Variants in SND1 observed in about 807,000 individuals in gnomAD.
SND1 encodes the protein staphylococcal nuclease and tudor domain containing 1.
In SND1, 38 loss-of-function variants were observed where a neutral mutation model predicts 121.7. That is an observed-to-expected ratio of 0.31 (90% CI 0.24 to 0.41). The LOEUF is 0.41. SND1 is among the 10% of genes least tolerant of loss of function. SND1 has a pLI of 1.00. For synonymous variants in SND1, 401 were observed against 447.4 expected, an observed-to-expected ratio of 0.90 and a Z score of 1.31; for missense variants, 868 against 1,184.6, an observed-to-expected ratio of 0.73 and a Z score of 3.92.
At chr7:127,667,298 AC>A (rs1264265349) in intron 1 of SND1, among the ~76,000 whole-genome samples, 1 of 152,190 alleles carries the variant, frequency 6.6e-6, no homozygotes, top group Non-Finnish European at 1.5e-5. Flanking sequence ...ACAGGAACAA[AC>A]CTGAAGAAGA....
chr7:128,032,265 C>G (rs1198072471), intron 16 of SND1, among the ~76,000 whole-genome samples: 13 of 151,156 alleles, frequency 8.6e-5, no homozygotes, highest in Non-Finnish European at 1.6e-4. Flanking sequence ...TCCGGCCGCC[C>G]GTCTTCCTCT....
intron 14 of SND1, among the ~76,000 whole-genome samples, chr7:127,922,199 T>TTTTTTTGTTTGTTTG (rs1554443300): frequency 1.1e-5 from 1 of 93,500 alleles, no homozygotes; most frequent in African/African-American, 4.3e-5. Flanking sequence ...TTTTTTTTTT[T>TTTTTTTGTTTGTTTG]TTTTGTTTTG....
At chr7:127,792,478 A>G (rs775311326) in intron 10 of SND1, among the ~76,000 whole-genome samples, 2 of 152,246 alleles carry the variant, frequency 1.3e-5, no homozygotes, top group African/African-American at 4.8e-5. Flanking sequence ...TTAAGAGATG[A>G]TTAGCTAGAT....
intron 15 of SND1, among the ~76,000 whole-genome samples, chr7:127,931,506 A>T (rs1033661257): frequency 1.3e-5 from 2 of 152,236 alleles, no homozygotes; most frequent in African/African-American, 4.8e-5. Flanking sequence ...GTGCTGATGT[A>T]GAAGCTGCAA....
chr7:128,082,148 G>A (rs1793615682), intron 18 of SND1, among the ~76,000 whole-genome samples: 1 of 152,186 alleles, frequency 6.6e-6, no homozygotes, highest in Non-Finnish European at 1.5e-5. Context: ...GCAGGAGAGA[G>A]CTCTGGCAGC....
At chr7:127,957,851 C>A (rs1801635836) in intron 15 of SND1, among the ~76,000 whole-genome samples, 2 of 152,150 alleles carry the variant, frequency 1.3e-5, no homozygotes, top group African/African-American at 2.4e-5. Context: ...CAGGCGCGAG[C>A]CACCACACCC....
chr7:127,870,363 A>G (rs1355719427), intron 12 of SND1, among the ~76,000 whole-genome samples: 2 of 152,138 alleles, frequency 1.3e-5, no homozygotes, highest in African/African-American at 4.8e-5. Flanking sequence ...ATAGGCCCCT[A>G]TACTACTTAA....
intron 10 of SND1, among the ~76,000 whole-genome samples, chr7:127,732,933 T>C (rs1444078871): frequency 6.6e-6 from 1 of 152,194 alleles, no homozygotes; most frequent in Non-Finnish European, 1.5e-5. Context: ...TGTTTGTAAA[T>C]AGTGGCGGGA....
chr7:128,030,823 T>TG lies in SND1; in HGVS notation c.1779+39769dup, dbSNP rs891286238. ...AATCCTGCCAAACTCGAGCGGCCCC[T>TG]GGTCTCCCAACCCACCCTCAAGGCA... On this transcript the variant is annotated intron_variant, in intron 16 of 23. Coordinates refer to ENST00000354725, the MANE Select transcript of SND1 (RefSeq NM_014390.4). 104 of 700,118 alleles carry TG rather than the reference T, an allele frequency of 1.5e-4. No individual in the cohort carries two copies. In the African/African-American group the frequency reaches 1.8e-3, roughly 12 times the overall value. 43.4% of individuals were successfully genotyped at this position (700,118 alleles called of 1,614,324 possible). A position where few individuals can be genotyped will look rare whatever the true frequency, so the allele number is the denominator to read the frequency against.
intron 12 of SND1, among the ~76,000 whole-genome samples, chr7:127,876,264 A>C (rs549729330): frequency 1.3e-5 from 2 of 152,136 alleles, no homozygotes; most frequent in Non-Finnish European, 1.5e-5. Context: ...TTACTTGCCA[A>C]CCTAATCCTT....
At chr7:127,879,307 T>C (rs563430704) in intron 12 of SND1, among the ~76,000 whole-genome samples, 1 of 152,258 alleles carries the variant, frequency 6.6e-6, no homozygotes, top group African/African-American at 2.4e-5. Context: ...GACATCTTAG[T>C]CTGAACTTGT....
At chr7:127,739,518 C>T (rs1332518993) in intron 10 of SND1, among the ~76,000 whole-genome samples, 1 of 152,188 alleles carries the variant, frequency 6.6e-6, no homozygotes, top group Non-Finnish European at 1.5e-5. Context: ...TCAAGGATTA[C>T]TTGGAGCTTT....
intron 15 of SND1, among the ~76,000 whole-genome samples, chr7:127,955,418 A>G (rs2116861505): frequency 6.6e-6 from 1 of 152,168 alleles, no homozygotes; most frequent in East Asian, 1.9e-4. Flanking sequence ...TGAGAGAGAG[A>G]TGAGAGCATT....
intron 13 of SND1, among the ~76,000 whole-genome samples, chr7:127,891,582 A>T (rs936493390): frequency 6.6e-6 from 1 of 152,018 alleles, no homozygotes; most frequent in Non-Finnish European, 1.5e-5. Flanking sequence ...TATGTTTTCT[A>T]GGTGAACTCT....
intron 11 of SND1, among the ~76,000 whole-genome samples, chr7:127,812,299 G>T (rs2116585596): frequency 6.6e-6 from 1 of 152,282 alleles, no homozygotes; most frequent in Middle Eastern, 3.4e-3. Context: ...ATCAGGAGGT[G>T]GTAATAGCAC....
chr7:127,721,682 T>C (rs1332736906), intron 10 of SND1, among the ~76,000 whole-genome samples: 2 of 152,112 alleles, frequency 1.3e-5, no homozygotes, highest in Non-Finnish European at 2.9e-5. Flanking sequence ...ATATGTGAGA[T>C]GGTGGATGAG....
intron 9 of SND1, among the ~76,000 whole-genome samples, chr7:127,714,563 A>G (rs1562988333): frequency 1.3e-5 from 2 of 152,188 alleles, no homozygotes; most frequent in Non-Finnish European, 1.5e-5. Flanking sequence ...TCATATTGCT[A>G]TGTAGCTATC....
chr7:127,835,728 G>C (rs1224141405), intron 11 of SND1, among the ~76,000 whole-genome samples: 2 of 152,076 alleles, frequency 1.3e-5, no homozygotes, highest in African/African-American at 2.4e-5. Flanking sequence ...GGAGAATCGA[G>C]ATTTAATGAA....
intron 10 of SND1, among the ~76,000 whole-genome samples, chr7:127,775,734 G>A (rs1269990402): frequency 6.6e-6 from 1 of 151,916 alleles, no homozygotes. Context: ...TTCTTTTTGA[G>A]ATGGGGTCTT....
Sources: allele counts gnomAD v4.1 joint callset (sites outside exome capture counted in the v4.1 genomes callset), GRCh38; gene constraint gnomAD v4.1.1; transcripts MANE v1.5; gene names NCBI Gene and HGNC (gene_info 2026-07-23, HGNC 2026-07-21).